Variants in GRAMD1B observed in about 807,000 individuals in gnomAD.
The protein encoded by GRAMD1B is protein Aster-B.
GRAMD1B carries 37 observed loss-of-function variants against 99.7 expected under a neutral mutation model. The observed-to-expected ratio is 0.37, with a 90% CI of 0.29 to 0.49. The LOEUF is 0.49. Ranked by LOEUF, GRAMD1B falls within the 20% of genes least tolerant of loss-of-function variation. GRAMD1B has a pLI of 0.98. For synonymous variants in GRAMD1B, 427 were observed against 387.6 expected, an observed-to-expected ratio of 1.10 and a Z score of -1.19; for missense variants, 888 against 1,009.2, an observed-to-expected ratio of 0.88 and a Z score of 1.63.
intron 1 of GRAMD1B, among the ~76,000 whole-genome samples, chr11:123,439,290 A>G (rs1412810740): frequency 1.3e-5 from 2 of 152,160 alleles, no homozygotes; most frequent in African/African-American, 2.4e-5. Flanking sequence ...GGGAGAAGGG[A>G]AGCAGGATGG....
chr11:123,483,801 G>C (rs1434571851), intron 2 of GRAMD1B, among the ~76,000 whole-genome samples: 1 of 152,138 alleles, frequency 6.6e-6, no homozygotes, highest in Non-Finnish European at 1.5e-5. Flanking sequence ...TGTCAAAAGG[G>C]ATTTCGTTCT....
intron 2 of GRAMD1B, among the ~76,000 whole-genome samples, chr11:123,487,961 G>A (rs1001816613): frequency 1.3e-5 from 2 of 152,206 alleles, no homozygotes. Flanking sequence ...GCAGGCAGCT[G>A]TAACAGAATA....
chr11:123,423,065 A>T (rs1948509990), intron 1 of GRAMD1B, among the ~76,000 whole-genome samples: 1 of 152,150 alleles, frequency 6.6e-6, no homozygotes, highest in Non-Finnish European at 1.5e-5. Flanking sequence ...ACTACTTACT[A>T]TTAAGGTATG....
At position 123,430,769 on chromosome 11, in the gene GRAMD1B, G is replaced by A. The variant is rs891218878; in HGVS notation, c.-24G>A. ...CCAGGCCGCTGGCGGAGGGCTCAGG[G>A]GGAGCGCAGAGGCGACGGCCCCCAT... is the stretch of plus-strand genomic sequence containing the variant. On this transcript the variant is annotated 5_prime_UTR_variant, in exon 1 of 20. Coordinates refer to ENST00000635736, the MANE Select transcript of GRAMD1B (RefSeq NM_001387025.1). 2 of 654,262 alleles carry A rather than the reference G, an allele frequency of 3.1e-6. No homozygotes were observed. The highest frequency in any genetic ancestry group is 3.6e-5 in the African/African-American group (2 of 55,708). The allele number at this position is 654,262 out of a possible 1,614,324, so 40.5% of individuals were successfully genotyped here. A position where few individuals can be genotyped will look rare whatever the true frequency, so the allele number is the denominator to read the frequency against.
chr11:123,525,280 C>A (rs1027667886), intron 2 of GRAMD1B, among the ~76,000 whole-genome samples: 39 of 152,192 alleles, frequency 2.6e-4, no homozygotes, highest in Admixed American at 1.4e-3. Context: ...AGCACGCAGC[C>A]CTGCTTGCCC....
At chr11:123,614,624 T>C (rs940704067) in intron 16 of GRAMD1B, 121 bp from the exon 17 acceptor site, 2 of 605,522 alleles carry the variant, frequency 3.3e-6, no homozygotes, top group African/African-American at 3.7e-5. Flanking sequence ...ATCGTTGCTG[T>C]CACAGTGTCA....
At chr11:123,567,429 C>A (rs1188257243) in intron 2 of GRAMD1B, among the ~76,000 whole-genome samples, 1 of 152,180 alleles carries the variant, frequency 6.6e-6, no homozygotes, top group Non-Finnish European at 1.5e-5. Flanking sequence ...GTAGCATTAT[C>A]AGTGTTTTCA....
intron 1 of GRAMD1B, among the ~76,000 whole-genome samples, chr11:123,382,907 A>G (rs548518340): frequency 2.4e-4 from 36 of 152,296 alleles, no homozygotes; most frequent in African/African-American, 7.5e-4. Context: ...CCCTGTCCCA[A>G]TTCTCCTCTT....
At chr11:123,465,890 C>T (rs181804046) in intron 1 of GRAMD1B, among the ~76,000 whole-genome samples, 15 of 152,134 alleles carry the variant, frequency 9.9e-5, no homozygotes, top group African/African-American at 3.1e-4. Flanking sequence ...TGGCCTGACT[C>T]TGTGAGAGGA....
At chr11:123,466,532 T>G (rs1328187100) in intron 1 of GRAMD1B, among the ~76,000 whole-genome samples, 1 of 152,176 alleles carries the variant, frequency 6.6e-6, no homozygotes, top group Non-Finnish European at 1.5e-5. Context: ...GGGCATAAAA[T>G]GGATTCTGGC....
chr11:123,388,718 G>C (rs902644087), intron 1 of GRAMD1B, among the ~76,000 whole-genome samples: 11 of 139,672 alleles, frequency 7.9e-5, no homozygotes, highest in African/African-American at 1.2e-4. Context: ...AACAAACAAA[G>C]AAGAGGTCAG....
intron 9 of GRAMD1B, 128 bp from the exon 10 acceptor site, chr11:123,605,194 A>G (rs1246660078): frequency 2.7e-5 from 17 of 623,366 alleles, no homozygotes; most frequent in Non-Finnish European, 2.5e-6. Context: ...TTAGAGGAAG[A>G]TCATACACAA....
intron 3 of GRAMD1B, among the ~76,000 whole-genome samples, chr11:123,582,597 G>A (rs1159073165): frequency 1.3e-5 from 2 of 152,166 alleles, no homozygotes; most frequent in East Asian, 1.9e-4. Context: ...GTGTGAGGAC[G>A]AAGCTGCTCA....
intron 1 of GRAMD1B, among the ~76,000 whole-genome samples, chr11:123,409,633 C>T (rs556460313): frequency 7.2e-5 from 11 of 152,200 alleles, no homozygotes; most frequent in Non-Finnish European, 1.3e-4. Context: ...GTTACCACAG[C>T]ACAGCCTAAT....
chr11:123,440,215 A>G (rs947200695), intron 1 of GRAMD1B, among the ~76,000 whole-genome samples: 1 of 152,228 alleles, frequency 6.6e-6, no homozygotes, highest in Non-Finnish European at 1.5e-5. Context: ...TTTTTATGCC[A>G]TAAAAGTCAA....
intron 2 of GRAMD1B, among the ~76,000 whole-genome samples, chr11:123,548,325 T>TACACACACACACACACACAC (rs138083511): frequency 3.2e-4 from 28 of 86,864 alleles, no homozygotes; most frequent in Non-Finnish European, 4.6e-4. Context: ...TATATATATA[T>TACACACACACACACACACAC]ACACACACAC....
intron 1 of GRAMD1B, among the ~76,000 whole-genome samples, chr11:123,370,314 TA>T (rs1186048554): frequency 1.8e-3 from 230 of 125,310 alleles, no homozygotes; most frequent in Admixed American, 1.7e-3. Flanking sequence ...AGACTCCATC[TA>T]AAAAAAAAAA....
At chr11:123,419,683 G>A (rs1170519819) in intron 1 of GRAMD1B, among the ~76,000 whole-genome samples, 2 of 150,316 alleles carry the variant, frequency 1.3e-5, no homozygotes, top group Non-Finnish European at 3.0e-5. Flanking sequence ...CAAGAAGGGA[G>A]TCGGGGAATT....
chr11:123,572,363 G>C (rs1311518096), intron 2 of GRAMD1B, among the ~76,000 whole-genome samples: 1 of 152,176 alleles, frequency 6.6e-6, no homozygotes, highest in Non-Finnish European at 1.5e-5. Context: ...GGCAGGGTCA[G>C]ATGAATGGCA....
Sources: gnomAD v4.1 joint callset for allele counts (sites outside exome capture counted in the v4.1 genomes callset) on GRCh38, gnomAD v4.1.1 for gene constraint, MANE v1.5 for transcripts, NCBI Gene and HGNC (gene_info 2026-07-23, HGNC 2026-07-21) for gene names.